Variants in EID2 observed in about 807,000 individuals in gnomAD.
EID2 encodes EP300-interacting inhibitor of differentiation 2.
Under a neutral mutation model 2.6 loss-of-function variants are expected in EID2, and 1 was observed. The observed-to-expected ratio is 0.39, with a 90% CI of 0.14 to 1.85. The LOEUF (loss-of-function observed/expected upper bound fraction) is 1.85, where lower values mean the gene tolerates loss of function less well. EID2 is among the 40% of genes most tolerant of loss of function. EID2 has a pLI of 0.32. For synonymous variants in EID2, 126 were observed against 147.2 expected (o/e 0.86, Z 1.04); for missense variants, 285 against 338.4 (o/e 0.84, Z 1.24).
Position 39,539,565 on chromosome 19 carries a change from T to A in EID2, c.515A>T (p.Gln172Leu), listed in dbSNP as rs750928494. 6.2e-7 allele frequency: 1 copy of A among 1,614,112 alleles called. No homozygotes were observed. The highest frequency in any genetic ancestry group is 1.3e-5 in the African/African-American group (1 of 74,946). The change falls in exon 1 of 1, where the codon CAA becomes CTA. Residue 172 changes from glutamine to leucine, a missense_variant. Physicochemically the swap from Gln to Leu is moderately radical, Grantham distance 113 (BLOSUM62 -2). Transcript: ENST00000390658. ...ENYPIAPGRI[Q>L]ELEERRRRFV... ...TCGCCTGCGGCGTTCTTCAAGCTCTTGTATTCTGCCGGGAGCAATCGGGTA... is the reference window on the plus strand; with the variant it reads ...TCGCCTGCGGCGTTCTTCAAGCTCTAGTATTCTGCCGGGAGCAATCGGGTA...
At position 39,539,292 on chromosome 19, in the gene EID2, T is replaced by C. The variant is rs1972054267; in HGVS notation, c.*77A>G. 4 of 1,382,238 alleles carry C rather than the reference T, an allele frequency of 2.9e-6. No homozygotes were observed. Among genetic ancestry groups the C allele is most frequent in the East Asian group, 2.3e-5 (1 of 43,432 alleles). The allele number at this position is 1,382,238 out of a possible 1,614,324, so 85.6% of individuals were successfully genotyped here. On this transcript the variant is annotated 3_prime_UTR_variant, in exon 1 of 1. Coordinates refer to ENST00000390658, the MANE Select transcript of EID2 (RefSeq NM_153232.4). ...TGCACTGTCTTATCGCGATATACTC[T>C]TGACTTCTGAAAATCAAGTTGCAGG...
Position 39,538,872 on chromosome 19 carries a change from G to A in EID2, c.*497C>T, listed in dbSNP as rs1478958475. ...ATTTACTTTGCTTGTCACTTGAAAT[G>A]CCTAAGAAAACACAAAATCAATCTT... is the stretch of plus-strand genomic sequence containing the variant. On this transcript the variant is annotated 3_prime_UTR_variant, in exon 1 of 1. Transcript: ENST00000390658. 1 of 152,262 alleles carries A rather than the reference G, an allele frequency of 6.6e-6. No homozygotes were observed. The highest frequency in any genetic ancestry group is 6.5e-5 in the Admixed American group (1 of 15,274). 9.4% of individuals were successfully genotyped at this position (152,262 alleles called of 1,614,324 possible).
At position 39,539,943 on chromosome 19, in the gene EID2, G is replaced by A. The variant is rs1194944950; in HGVS notation, c.137C>T (p.Ala46Val). Residue 46 changes from alanine to valine, a missense_variant, in exon 1 of 1, where the codon GCG becomes GTG. Coordinates refer to ENST00000390658, the MANE Select transcript of EID2 (RefSeq NM_153232.4). ...CGGGCCTCCCCTGGCCGCCGCCATC[G>A]CGCCTTCCCCGGCCTCCTCAGGCTG... The part of the protein sequence containing the change: ...PAQPEEAGEG[A>V]MAAARGGPVP... 1.0e-5 allele frequency: 16 copies of A among 1,524,824 alleles called. No homozygotes were observed. The highest frequency in any genetic ancestry group is 2.4e-5 in the South Asian group (2 of 84,096). The allele number at this position is 1,524,824 out of a possible 1,614,324, so 94.5% of individuals were successfully genotyped here.
At position 39,539,906 on chromosome 19, in the gene EID2, G is replaced by T; in HGVS notation, c.174C>A (p.Ala58=). 1.4e-6 allele frequency: 2 copies of T among 1,436,460 alleles called. No homozygotes were observed. Among genetic ancestry groups the T allele is most frequent in the Admixed American group, 2.6e-5 (1 of 37,828 alleles). 89.0% of individuals were successfully genotyped at this position (1,436,460 alleles called of 1,614,324 possible). The change falls in exon 1 of 1, where the codon GCC becomes GCA. Residue 58 remains alanine (A), a synonymous_variant. Transcript: ENST00000390658. Reference sequence around the variant, plus strand: ...TGGCCGCCGCCATCCGACCTTCCCTGGCCGCCGGCACCGGGCCTCCCCTGG... The same window carrying T: ...TGGCCGCCGCCATCCGACCTTCCCTTGCCGCCGGCACCGGGCCTCCCCTGG... The part of the protein sequence containing the change: ...AAARGGPVPA[A]REGRMAAARA...
At position 39,539,277 on chromosome 19, in the gene EID2, T is replaced by G; in HGVS notation, c.*92A>C. 8.1e-7 allele frequency: 1 copy of G among 1,229,076 alleles called. No individual in the cohort carries two copies. Among genetic ancestry groups the G allele is most frequent in the Non-Finnish European group, 1.2e-6 (1 of 860,100 alleles). 76.1% of individuals were successfully genotyped at this position (1,229,076 alleles called of 1,614,324 possible). Reference sequence around the variant, plus strand: ...TTTCCCCTCCACCTGTGCACTGTCTTATCGCGATATACTCTTGACTTCTGA... The same window carrying G: ...TTTCCCCTCCACCTGTGCACTGTCTGATCGCGATATACTCTTGACTTCTGA... On this transcript the variant is annotated 3_prime_UTR_variant, in exon 1 of 1. Transcript: ENST00000390658.
chr19:39,539,507 C>A lies in EID2; in HGVS notation c.573G>T (p.Ala191=), dbSNP rs1449284181. 1 of 1,614,164 alleles carries A rather than the reference C, an allele frequency of 6.2e-7. No individual in the cohort carries two copies. The highest frequency in any genetic ancestry group is 1.3e-5 in the African/African-American group (1 of 74,954). The change falls in exon 1 of 1, where the codon GCG becomes GCT. Residue 191 remains alanine (A), a synonymous_variant. Coordinates refer to ENST00000390658, the MANE Select transcript of EID2 (RefSeq NM_153232.4). ...GATTTCGCTGATATTCGGCATCAAA[C>A]GCTGCTTCCCTTGCTCTGCAGGCTT... ...FVEACRAREA[A]FDAEYQRNPH...
At position 39,540,148 on chromosome 19, in the gene EID2, G is replaced by T. The variant is rs1179713738; in HGVS notation, c.-69C>A. ...ATAACTGGACAGAGCGATGCCCGGC[G>T]GACACCCCAGTGCGCGTGCGTGGGC... is the stretch of plus-strand genomic sequence containing the variant. On this transcript the variant is annotated 5_prime_UTR_variant, in exon 1 of 1. Coordinates refer to ENST00000390658, the MANE Select transcript of EID2 (RefSeq NM_153232.4). The T allele has an allele frequency of 2.6e-6, 4 of 1,549,922 alleles. No individual in the cohort carries two copies. In the African/African-American group the frequency reaches 4.2e-5, roughly 16 times the overall value.
Position 39,538,835 on chromosome 19 carries a change from CA to C in EID2, c.*533del, listed in dbSNP as rs1972049741. 1 of 152,162 alleles carries C rather than the reference CA, an allele frequency of 6.6e-6. No individual in the cohort carries two copies. 9.4% of individuals were successfully genotyped at this position (152,162 alleles called of 1,614,324 possible). On this transcript the variant is annotated 3_prime_UTR_variant, in exon 1 of 1. Coordinates refer to ENST00000390658, the MANE Select transcript of EID2 (RefSeq NM_153232.4). ...ACGTTCTTGAAAACATGATTTATCA[CA>C]TAATATATACATTTACTTTGCTTGT...
rs748066706 is a variant in EID2, at chr19:39,539,737, G to A, written c.343C>T (p.Pro115Ser). The change falls in exon 1 of 1, where the codon CCA becomes TCA. Residue 115 changes from proline to serine, a missense_variant. Physicochemically the swap from Pro to Ser is moderately conservative, Grantham distance 74. Transcript: ENST00000390658. ...CCCTCGGGACCCTCTTCGTCCACTG[G>A]CTCCCCCAGCAAGCGGGCGACCTCC... ...MAEVARLLGE[P>S]VDEEGPEGRP... The A allele has an allele frequency of 6.2e-7, 1 of 1,611,704 alleles. No homozygotes were observed. The highest frequency in any genetic ancestry group is 8.5e-7 in the Non-Finnish European group (1 of 1,179,624).
rs767335073 is a variant in EID2, at chr19:39,539,809, CCGCCGCGGCTGCCCTGGCCAA to C, written c.250_270del (p.Leu84_Ala90del). 3.2e-5 allele frequency: 50 copies of C among 1,564,590 alleles called. No individual in the cohort carries two copies. The highest frequency in any genetic ancestry group is 7.3e-5 in the Admixed American group (4 of 54,838). On this transcript the variant is annotated inframe_deletion, in exon 1 of 1. Coordinates refer to ENST00000390658, the MANE Select transcript of EID2 (RefSeq NM_153232.4). ...GCCGCCGCCGCCGGGCTTTCCCTGCCCGCCGCGGCTGCCCTGGCCAACGCCGCCGCTGCCACCGGGGCTCCC... is the reference window on the plus strand; with the variant it reads ...GCCGCCGCCGCCGGGCTTTCCCTGCCCGCCGCCGCTGCCACCGGGGCTCCC...
In EID2 at chr19:39,540,146, G is replaced by A. The variant is rs1375346466; in HGVS notation, c.-67C>T. On this transcript the variant is annotated 5_prime_UTR_variant, in exon 1 of 1. Coordinates refer to ENST00000390658, the MANE Select transcript of EID2 (RefSeq NM_153232.4). The stretch of plus-strand genomic sequence containing the variant: ...GAATAACTGGACAGAGCGATGCCCG[G>A]CGGACACCCCAGTGCGCGTGCGTGG... 6.4e-6 allele frequency: 10 copies of A among 1,556,046 alleles called. No homozygotes were observed. Among genetic ancestry groups the A allele is most frequent in the Non-Finnish European group, 8.7e-6 (10 of 1,149,196 alleles).
Position 39,539,846 on chromosome 19 carries a change from CG to C in EID2, c.233del (p.Pro78ArgfsTer72). On this transcript the variant is annotated frameshift_variant, in exon 1 of 1. Transcript: ENST00000390658. LOFTEE classifies it low-confidence loss of function (END_TRUNC). ...CCCTGGCCAACGCCGCCGCTGCCAC[CG>C]GGGCTCCCCTGGCTGCCGCCGCCGG... ...AAPAAAARGA[P>X]VAAAALARAA... The C allele has an allele frequency of 7.3e-7, 1 of 1,367,556 alleles. No individual in the cohort carries two copies. Among genetic ancestry groups the C allele is most frequent in the South Asian group, 1.8e-5 (1 of 56,366 alleles). The allele number at this position is 1,367,556 out of a possible 1,614,324, so 84.7% of individuals were successfully genotyped here.
chr19:39,539,252 T>C lies in EID2; in HGVS notation c.*117A>G, dbSNP rs950528172. 9 of 921,372 alleles carry C rather than the reference T, an allele frequency of 9.8e-6. No individual in the cohort carries two copies. The African/African-American group carries it at 1.2e-4, about 12-fold the overall frequency. 57.1% of individuals were successfully genotyped at this position (921,372 alleles called of 1,614,324 possible). On this transcript the variant is annotated 3_prime_UTR_variant, in exon 1 of 1. Coordinates refer to ENST00000390658, the MANE Select transcript of EID2 (RefSeq NM_153232.4). ...AGATAAGCTTCCCCCTCCCCCTTTT[T>C]TTCCCCTCCACCTGTGCACTGTCTT...
rs1972057546 is a variant in EID2, at chr19:39,539,515, C to G, written c.565G>C (p.Glu189Gln). ...TGATATTCGGCATCAAACGCTGCTT[C>G]CCTTGCTCTGCAGGCTTCCACGAAT... is the stretch of plus-strand genomic sequence containing the variant. ...RRFVEACRAR[E>Q]AAFDAEYQRN... is the part of the protein sequence containing the mutation. The change falls in exon 1 of 1, where the codon GAA (glutamate) becomes CAA (glutamine). Residue 189 changes from glutamate (E) to glutamine (Q), a missense_variant. Glu to Gln is a conservative substitution (Grantham distance 29). Coordinates refer to ENST00000390658, the MANE Select transcript of EID2 (RefSeq NM_153232.4). 1 of 1,614,156 alleles carries G rather than the reference C, an allele frequency of 6.2e-7. No individual in the cohort carries two copies. Among genetic ancestry groups the G allele is most frequent in the African/African-American group, 1.3e-5 (1 of 74,950 alleles).
Position 39,540,038 on chromosome 19 carries a change from G to A in EID2, c.42C>T (p.Gly14=). ...GGACGTCTCTGTCACCATTCGCCGC[G>A]CCTGTCTGCGGGACACTGCTGTCTG... is the stretch of plus-strand genomic sequence containing the variant. ...LPADSSVPQT[G]AANGDRDVPQ... Residue 14 remains glycine (G), a synonymous_variant, in exon 1 of 1, where the codon GGC becomes GGT. Coordinates refer to ENST00000390658, the MANE Select transcript of EID2 (RefSeq NM_153232.4). 5 of 1,596,382 alleles carry A rather than the reference G, an allele frequency of 3.1e-6. No individual in the cohort carries two copies. Among genetic ancestry groups the A allele is most frequent in the Non-Finnish European group, 2.5e-6 (3 of 1,177,176 alleles).
rs572188094 is a variant in EID2, at chr19:39,539,908, C to G, written c.172G>C (p.Ala58Pro). ...AAARGGPVPA[A>P]REGRMAAARA... ...GCCGCCGCCATCCGACCTTCCCTGG[C>G]CGCCGGCACCGGGCCTCCCCTGGCC... is the stretch of plus-strand genomic sequence containing the variant. The change falls in exon 1 of 1, where the codon GCC (alanine) becomes CCC (proline). Residue 58 changes from alanine (A) to proline (P), a missense_variant. By Grantham distance (27) the Ala-to-Pro change is conservative (BLOSUM62 -1). Transcript: ENST00000390658. The G allele has an allele frequency of 7.0e-7, 1 of 1,438,074 alleles. No individual in the cohort carries two copies. The highest frequency in any genetic ancestry group is 9.1e-7 in the Non-Finnish European group (1 of 1,100,114). 89.1% of individuals were successfully genotyped at this position (1,438,074 alleles called of 1,614,324 possible).
At position 39,539,572 on chromosome 19, in the gene EID2, T is replaced by C; in HGVS notation, c.508A>G (p.Arg170Gly). ...CGGCGTTCTTCAAGCTCTTGTATTC[T>C]GCCGGGAGCAATCGGGTAATTTTCC... Reference protein sequence around the residue: ...YLENYPIAPGRIQELEERRRR... With the variant: ...YLENYPIAPGGIQELEERRRR... The change falls in exon 1 of 1, where the codon AGA (arginine) becomes GGA (glycine). Residue 170 changes from arginine to glycine, a missense_variant. Arg to Gly is a moderately radical substitution (Grantham distance 125). Coordinates refer to ENST00000390658, the MANE Select transcript of EID2 (RefSeq NM_153232.4). 1 of 1,614,256 alleles carries C rather than the reference T, an allele frequency of 6.2e-7. No individual in the cohort carries two copies. Among genetic ancestry groups the C allele is most frequent in the South Asian group, 1.1e-5 (1 of 91,086 alleles).
rs1255617220 is a variant in EID2 at position 39,539,777 on chromosome 19, C to T, written c.303G>A (p.Arg101=). 2 of 1,600,370 alleles carry T rather than the reference C, an allele frequency of 1.2e-6. No homozygotes were observed. The highest frequency in any genetic ancestry group is 1.7e-6 in the Non-Finnish European group (2 of 1,178,216). Residue 101 remains arginine, a synonymous_variant, in exon 1 of 1, where the codon AGG becomes AGA. Transcript: ENST00000390658. Reference sequence around the variant, plus strand: ...GGGCGACCTCCGCCATCCGGGCTTCCCTGGCCGCCGCCGCCGCCGGGCTTT... The same window carrying T: ...GGGCGACCTCCGCCATCCGGGCTTCTCTGGCCGCCGCCGCCGCCGGGCTTT... ...GRESPAAAAA[R]EARMAEVARL...
Position 39,539,909 on chromosome 19 carries a change from C to G in EID2, c.171G>C (p.Ala57=), listed in dbSNP as rs1282067510. The change falls in exon 1 of 1, where the codon GCG becomes GCC. Residue 57 remains alanine, a synonymous_variant. Transcript: ENST00000390658. ...MAAARGGPVP[A]AREGRMAAAR... ...CCGCCGCCATCCGACCTTCCCTGGC[C>G]GCCGGCACCGGGCCTCCCCTGGCCG... The G allele has an allele frequency of 4.2e-6, 6 of 1,440,014 alleles. No homozygotes were observed. The highest frequency in any genetic ancestry group is 5.4e-6 in the Non-Finnish European group (6 of 1,101,112). The allele number at this position is 1,440,014 out of a possible 1,614,324, so 89.2% of individuals were successfully genotyped here.
Sources: allele counts gnomAD v4.1 joint callset, GRCh38; gene constraint gnomAD v4.1.1; transcripts MANE v1.5; gene names NCBI Gene and HGNC (gene_info 2026-07-23, HGNC 2026-07-21).